Variants in NKAIN2 observed in about 807,000 individuals in gnomAD.
NKAIN2 encodes sodium/potassium-transporting ATPase subunit beta-1-interacting protein 2.
A neutral mutation model predicts 32.6 loss-of-function variants in NKAIN2; 14 were observed. The observed-to-expected ratio is 0.43, with a 90% confidence interval of 0.28 to 0.67. NKAIN2 has a LOEUF of 0.67. NKAIN2 is among the 30% of genes least tolerant of loss of function. NKAIN2 has a pLI of 0.17. For missense variants in NKAIN2, 198 were observed against 258.3 expected, an observed-to-expected ratio of 0.77 and a Z score of 1.60; for synonymous variants, 80 against 87.2, an observed-to-expected ratio of 0.92 and a Z score of 0.46.
intron 1 of NKAIN2, among the ~76,000 whole-genome samples, chr6:124,269,348 A>G (rs1484494649): frequency 1.3e-5 from 2 of 152,174 alleles, no homozygotes; most frequent in Admixed American, 6.5e-5. Flanking sequence ...TACCAGAAAT[A>G]GCATACCTCA....
At chr6:123,927,268 A>G (rs1186335770) in intron 1 of NKAIN2, among the ~76,000 whole-genome samples, 1 of 152,186 alleles carries the variant, frequency 6.6e-6, no homozygotes, top group East Asian at 1.9e-4. Flanking sequence ...TCTTTAAGCC[A>G]CTAAGTTTTT....
intron 3 of NKAIN2, among the ~76,000 whole-genome samples, chr6:124,413,920 G>C (rs1159194292): frequency 6.6e-6 from 1 of 151,984 alleles, no homozygotes; most frequent in Non-Finnish European, 1.5e-5. Context: ...AGATCCAGAA[G>C]CACTTTTTGT....
intron 3 of NKAIN2, among the ~76,000 whole-genome samples, chr6:124,530,447 G>C (rs1779479651): frequency 6.6e-6 from 1 of 152,166 alleles, no homozygotes. Context: ...GGTGGCAGAG[G>C]CAGAAGGGGT....
At chr6:124,735,937 A>T (rs1396223389) in intron 4 of NKAIN2, among the ~76,000 whole-genome samples, 1 of 151,918 alleles carries the variant, frequency 6.6e-6, no homozygotes, top group Non-Finnish European at 1.5e-5. Context: ...TAAGTATTCA[A>T]GTGAAAGGTA....
intron 5 of NKAIN2, among the ~76,000 whole-genome samples, chr6:124,802,026 C>G (rs1457119661): frequency 3.3e-5 from 5 of 152,150 alleles, no homozygotes; most frequent in African/African-American, 1.2e-4. Context: ...ATGGGACATT[C>G]TCTTTCCTGA....
chr6:124,457,569 T>C (rs1339472108), intron 3 of NKAIN2, among the ~76,000 whole-genome samples: 1 of 151,972 alleles, frequency 6.6e-6, no homozygotes, highest in Non-Finnish European at 1.5e-5. Flanking sequence ...CAGAGTTAGA[T>C]CATCTCTAAG....
rs1293439171 is a variant in NKAIN2 at position 124,361,490 on chromosome 6, CTTTA to C, written c.273+6148_273+6151del. On this transcript the variant is annotated intron_variant, in intron 3 of 6. Coordinates refer to ENST00000368417, the MANE Select transcript of NKAIN2 (RefSeq NM_001040214.3). Reference sequence around the variant, plus strand: ...GTACACTTAAAACAACCCAACTTGTCTTTATTTAACCCTTTGGGACTAGGGATGC... The same window carrying C: ...GTACACTTAAAACAACCCAACTTGTCTTTAACCCTTTGGGACTAGGGATGC... Among the ~76,000 whole-genome samples the C allele has an allele frequency of 4.6e-5, 7 of 152,092 alleles. No homozygotes were observed. The South Asian group carries it at 1.5e-3, about 32-fold the overall frequency.
At chr6:124,245,980 G>C (rs1229293316) in intron 1 of NKAIN2, among the ~76,000 whole-genome samples, 1 of 152,082 alleles carries the variant, frequency 6.6e-6, no homozygotes, top group Admixed American at 6.6e-5. Flanking sequence ...CCTGGTATAT[G>C]CTCACAAAAG....
intron 3 of NKAIN2, among the ~76,000 whole-genome samples, chr6:124,461,327 A>G (rs1380604914): frequency 2.0e-5 from 3 of 151,630 alleles, no homozygotes; most frequent in East Asian, 3.9e-4. Flanking sequence ...GCGTGTGCAC[A>G]GAAAGACTGA....
chr6:124,549,136 G>C (rs1424960443), intron 3 of NKAIN2, among the ~76,000 whole-genome samples: 1 of 152,130 alleles, frequency 6.6e-6, no homozygotes, highest in African/African-American at 2.4e-5. Flanking sequence ...GGAGGCCGAG[G>C]CAGGTGGATC....
chr6:123,909,554 A>G (rs999959628), intron 1 of NKAIN2, among the ~76,000 whole-genome samples: 1 of 152,084 alleles, frequency 6.6e-6, no homozygotes, highest in African/African-American at 2.4e-5. Flanking sequence ...TTCTTCCTCT[A>G]TAGGGACTTT....
intron 1 of NKAIN2, among the ~76,000 whole-genome samples, chr6:123,975,918 T>C (rs1466909791): frequency 2.0e-5 from 3 of 152,016 alleles, no homozygotes; most frequent in Admixed American, 1.3e-4. Flanking sequence ...AATTCCTACA[T>C]GTCGCGGGAG....
At chr6:124,192,714 T>C (rs1378660642) in intron 1 of NKAIN2, among the ~76,000 whole-genome samples, 1 of 151,508 alleles carries the variant, frequency 6.6e-6, no homozygotes, top group Non-Finnish European at 1.5e-5. Context: ...ATTGTGGTGT[T>C]GTCTATTTCT....
chr6:124,334,453 T>C (rs1457159507), intron 2 of NKAIN2, among the ~76,000 whole-genome samples: 3 of 152,122 alleles, frequency 2.0e-5, no homozygotes, highest in African/African-American at 4.8e-5. Flanking sequence ...GACTAAGGTT[T>C]CTTAAAGAAA....
At chr6:124,453,965 A>T (rs1425579380) in intron 3 of NKAIN2, among the ~76,000 whole-genome samples, 3 of 152,134 alleles carry the variant, frequency 2.0e-5, no homozygotes, top group African/African-American at 7.2e-5. Context: ...ATAACTTTAA[A>T]GCCAGAAAAT....
intron 5 of NKAIN2, among the ~76,000 whole-genome samples, chr6:124,808,198 C>A (rs1289929522): frequency 6.6e-6 from 1 of 151,852 alleles, no homozygotes; most frequent in Non-Finnish European, 1.5e-5. Context: ...GAATTTTAGA[C>A]CAATATCCTT....
chr6:124,093,480 C>A (rs1406562643), intron 1 of NKAIN2, among the ~76,000 whole-genome samples: 1 of 152,202 alleles, frequency 6.6e-6, no homozygotes, highest in Middle Eastern at 3.4e-3. Context: ...AATGAAACAG[C>A]ACCTAGTACA....
intron 2 of NKAIN2, among the ~76,000 whole-genome samples, chr6:124,324,820 G>T (rs1024180567): frequency 6.6e-6 from 1 of 151,808 alleles, no homozygotes; most frequent in Admixed American, 6.6e-5. Context: ...TACATCAAAT[G>T]ATATAATCAT....
chr6:123,804,935 AC>A (rs1425157060), intron 1 of NKAIN2, among the ~76,000 whole-genome samples: 1 of 152,238 alleles, frequency 6.6e-6, no homozygotes, highest in Non-Finnish European at 1.5e-5. Flanking sequence ...ATTCTGTCTT[AC>A]ATTATGCATA....
Sources: allele counts gnomAD v4.1 joint callset (sites outside exome capture counted in the v4.1 genomes callset), GRCh38; gene constraint gnomAD v4.1.1; transcripts MANE v1.5; gene names NCBI Gene and HGNC (gene_info 2026-07-23, HGNC 2026-07-21).